SEPTIN8: variants seen among roughly 807,000 people sequenced by gnomAD.
SEPTIN8 encodes the protein septin 8.
In SEPTIN8, 22 loss-of-function variants were observed where a neutral mutation model predicts 53.1. That is an observed-to-expected ratio of 0.41 (90% confidence interval 0.30 to 0.59). The LOEUF (loss-of-function observed/expected upper bound fraction) is 0.59. Ranked by LOEUF, SEPTIN8 falls within the 20% of genes least tolerant of loss-of-function variation. The pLI is 0.24. For synonymous variants in SEPTIN8, 228 were observed against 248.4 expected (o/e 0.92, Z 0.77); for missense variants, 536 against 638.7 (o/e 0.84, Z 1.73).
At chr5:132,780,067 C>A (rs1758020044), upstream of SEPTIN8, among the ~76,000 whole-genome samples, 1 of 152,184 alleles carries the variant, frequency 6.6e-6, no homozygotes, top group African/African-American at 2.4e-5. Flanking sequence ...TTCCAGGCAG[C>A]AAGAGGCAAT....
chr5:132,752,119 G>T lies in SEPTIN8; in HGVS notation c.1349C>A (p.Thr450Asn). 6.3e-7 allele frequency: 1 copy of T among 1,598,768 alleles called. No homozygotes were observed. Among genetic ancestry groups the T allele is most frequent in the Non-Finnish European group, 8.5e-7 (1 of 1,172,180 alleles). The change falls in exon 10 of 10, where the codon ACC (threonine) becomes AAC (asparagine). Residue 450 changes from threonine to asparagine, a missense_variant. Coordinates refer to ENST00000378719, the MANE Select transcript of SEPTIN8 (RefSeq NM_001098811.2). ...GTTCAAGGGCTCCACACTGGCCTTG[G>T]TCATCATCACCTTAGAGCTGGAGAG... is the stretch of plus-strand genomic sequence containing the variant. Reference protein sequence around the residue: ...MSLSSSKVMMTKASVEPLNCS... With the variant: ...MSLSSSKVMMNKASVEPLNCS...
intron 9 of SEPTIN8, chr5:132,759,118 C>CA: frequency 1.9e-6 from 1 of 533,464 alleles, no homozygotes; most frequent in Non-Finnish European, 3.7e-6. Context: ...GCCCCCATTC[C>CA]AAAAATGCAC....
chr5:132,751,872 C>T lies in SEPTIN8; in HGVS notation c.*144G>A, dbSNP rs1754870980. Reference sequence around the variant, plus strand: ...AAAGGGTTGGGCAACATTTGATGTTCCCTGATGGAAATTTAAATTGTTTGC... The same window carrying T: ...AAAGGGTTGGGCAACATTTGATGTTTCCTGATGGAAATTTAAATTGTTTGC... On this transcript the variant is annotated 3_prime_UTR_variant, in exon 10 of 10. Coordinates refer to ENST00000378719, the MANE Select transcript of SEPTIN8 (RefSeq NM_001098811.2). The T allele has an allele frequency of 7.1e-7, 1 of 1,403,780 alleles. No homozygotes were observed. Among genetic ancestry groups the T allele is most frequent in the Non-Finnish European group, 9.7e-7 (1 of 1,030,818 alleles). 87.0% of individuals were successfully genotyped at this position (1,403,780 alleles called of 1,614,324 possible). A position where few individuals can be genotyped will look rare whatever the true frequency, so the allele number is the denominator to read the frequency against.
intron 1 of SEPTIN8, among the ~76,000 whole-genome samples, chr5:132,768,406 A>G (rs964974697): frequency 2.0e-5 from 3 of 152,208 alleles, no homozygotes; most frequent in African/African-American, 7.2e-5. Context: ...TCTGACCTCC[A>G]GGCTTTACCG....
At chr5:132,766,370 CA>C (rs1756595999) in intron 1 of SEPTIN8, among the ~76,000 whole-genome samples, 1 of 152,214 alleles carries the variant, frequency 6.6e-6, no homozygotes, top group Non-Finnish European at 1.5e-5. Context: ...GGCTGAGCGG[CA>C]GGCCCCGAGT....
chr5:132,766,128 T>C (rs1756564824), intron 1 of SEPTIN8, among the ~76,000 whole-genome samples: 1 of 152,214 alleles, frequency 6.6e-6, no homozygotes, highest in Non-Finnish European at 1.5e-5. Flanking sequence ...GACTCATGCA[T>C]GGACCCTGCT....
chr5:132,752,778 C>G lies in SEPTIN8; in HGVS notation c.1287-597G>C, dbSNP rs937554802. On this transcript the variant is annotated intron_variant, in intron 9 of 9. Transcript: ENST00000378719. The stretch of plus-strand genomic sequence containing the variant: ...GGGTGGTTGGACCTTCCTGAACTTG[C>G]TTCATGCTAACATTTTGGCACTCAA... 4.4e-6 allele frequency: 5 copies of G among 1,141,210 alleles called. No individual in the cohort carries two copies. In the African/African-American group the frequency reaches 4.5e-5, roughly 10 times the overall value. The allele number at this position is 1,141,210 out of a possible 1,614,324, so 70.7% of individuals were successfully genotyped here. A position where few individuals can be genotyped will look rare whatever the true frequency, so the allele number is the denominator to read the frequency against.
Position 132,752,010 on chromosome 5 carries a change from G to A in SEPTIN8, c.*6C>T. 1 of 1,612,238 alleles carries A rather than the reference G, an allele frequency of 6.2e-7. No individual in the cohort carries two copies. The highest frequency in any genetic ancestry group is 8.5e-7 in the Non-Finnish European group (1 of 1,179,398). On this transcript the variant is annotated 3_prime_UTR_variant, in exon 10 of 10. Coordinates refer to ENST00000378719, the MANE Select transcript of SEPTIN8 (RefSeq NM_001098811.2). Reference sequence around the variant, plus strand: ...TGAGCTGGCCCCATGTGTTGGAGCTGCTGCCTCAGAGGAATCCTTCCCTCC... The same window carrying A: ...TGAGCTGGCCCCATGTGTTGGAGCTACTGCCTCAGAGGAATCCTTCCCTCC...
chr5:132,766,967 C>T (rs982882765), intron 1 of SEPTIN8, among the ~76,000 whole-genome samples: 2 of 152,170 alleles, frequency 1.3e-5, no homozygotes, highest in Admixed American at 6.5e-5. Context: ...CTTGCATCAA[C>T]GACTCCCAAG....
intron 1 of SEPTIN8, among the ~76,000 whole-genome samples, chr5:132,770,264 C>A (rs1204631098): frequency 6.6e-6 from 1 of 150,410 alleles, no homozygotes; most frequent in Non-Finnish European, 1.5e-5. Context: ...CTGTAACCTC[C>A]GCCTCCTAGG....
chr5:132,751,766 TGGTCCC>T lies in SEPTIN8; in HGVS notation c.*244_*249del. Reference sequence around the variant, plus strand: ...CACAAAGCAGACTTTTTTTTTTTTTTGGTCCCGGAGTGGAAGCTCAGCTTGGCCACA... The same window carrying T: ...CACAAAGCAGACTTTTTTTTTTTTTTGGAGTGGAAGCTCAGCTTGGCCACA... On this transcript the variant is annotated 3_prime_UTR_variant, in exon 10 of 10. Coordinates refer to ENST00000378719, the MANE Select transcript of SEPTIN8 (RefSeq NM_001098811.2). The T allele has an allele frequency of 1.6e-6, 1 of 608,260 alleles. No homozygotes were observed. Among genetic ancestry groups the T allele is most frequent in the Non-Finnish European group, 2.8e-6 (1 of 354,864 alleles). 37.7% of individuals were successfully genotyped at this position (608,260 alleles called of 1,614,324 possible). A position where few individuals can be genotyped will look rare whatever the true frequency, so the allele number is the denominator to read the frequency against.
At chr5:132,770,135 GTA>G (rs1347571565) in intron 1 of SEPTIN8, among the ~76,000 whole-genome samples, 15 of 93,714 alleles carry the variant, frequency 1.6e-4, no homozygotes, top group African/African-American at 9.9e-4. Flanking sequence ...GTATATATGT[GTA>G]TGTGTGTGTA....
rs1428054802 is a variant in SEPTIN8 at position 132,776,174 on chromosome 5, T to C, written c.30+934A>G. Among the ~76,000 whole-genome samples the C allele has an allele frequency of 6.6e-6, 1 of 150,724 alleles. No individual in the cohort carries two copies. The highest frequency in any genetic ancestry group is 2.4e-5 in the African/African-American group (1 of 40,864). ...GGGCCTCCCTCCTCCTCCTCCTCCT[T>C]CTCCCCCTCCTCCCCCTTCCAGCCG... On this transcript the variant is annotated intron_variant, in intron 1 of 9. Coordinates refer to ENST00000378719, the MANE Select transcript of SEPTIN8 (RefSeq NM_001098811.2). The surrounding 1 kb of genome is among the most constrained non-coding windows in gnomAD (Gnocchi z 4.4).
intron 1 of SEPTIN8, chr5:132,775,723 C>T: frequency 6.6e-6 from 1 of 152,188 alleles, no homozygotes; most frequent in East Asian, 1.9e-4. Flanking sequence ...GCAGAGACAC[C>T]CAGGCACTCA....
chr5:132,764,815 G>A (rs1212589887), intron 2 of SEPTIN8, among the ~76,000 whole-genome samples: 2 of 152,110 alleles, frequency 1.3e-5, no homozygotes, highest in East Asian at 1.9e-4. Flanking sequence ...AGAGGGCCAG[G>A]GTCTAAAGCC....
In SEPTIN8 at chr5:132,761,066, A is replaced by G; in HGVS notation, c.1095+67T>C. ...GAGCCTGGGCCAGGAAGGCACCCCC[A>G]CCTCTACCCTCAGCCAGGCCTTCCC... On this transcript the variant is annotated intron_variant, in intron 8 of 9. Coordinates refer to ENST00000378719, the MANE Select transcript of SEPTIN8 (RefSeq NM_001098811.2). The surrounding 1 kb of genome is among the most constrained non-coding windows in gnomAD (Gnocchi z 5.8). 1 of 1,606,980 alleles carries G rather than the reference A, an allele frequency of 6.2e-7. No individual in the cohort carries two copies. Among genetic ancestry groups the G allele is most frequent in the Non-Finnish European group, 8.5e-7 (1 of 1,175,716 alleles).
Position 132,752,040 on chromosome 5 carries a change from C to G in SEPTIN8, c.1428G>C (p.Ala476=), listed in dbSNP as rs201961929. 2 of 1,611,346 alleles carry G rather than the reference C, an allele frequency of 1.2e-6. No homozygotes were observed. Among genetic ancestry groups the G allele is most frequent in the Non-Finnish European group, 1.7e-6 (2 of 1,178,918 alleles). Reference sequence around the variant, plus strand: ...CTCAGAGGAATCCTTCCCTCCACGTCGCATCCCTGACCAGGCAGCTGCAGC... The same window carrying G: ...CTCAGAGGAATCCTTCCCTCCACGTGGCATCCCTGACCAGGCAGCTGCAGC... ...IQCCSCLVRD[A]TWREGFL Residue 476 remains alanine, a synonymous_variant, in exon 10 of 10, where the codon GCG becomes GCC. Transcript: ENST00000378719.
Position 132,752,129 on chromosome 5 carries a change from C to T in SEPTIN8, c.1339G>A (p.Val447Met), listed in dbSNP as rs1446064985. The T allele has an allele frequency of 8.1e-6, 13 of 1,598,510 alleles. No homozygotes were observed. In the South Asian group the frequency reaches 1.5e-4, roughly 18 times the overall value. ...TCCACACTGGCCTTGGTCATCATCA[C>T]CTTAGAGCTGGAGAGGCTCATGCCC... ...QPGMSLSSSK[V>M]MMTKASVEPL... Residue 447 changes from valine (V) to methionine (M), a missense_variant, in exon 10 of 10, where the codon GTG becomes ATG. Physicochemically the swap from Val to Met is conservative, Grantham distance 21 (BLOSUM62 1). Around this residue, in one of 3 missense-constraint regions of SEPTIN8, gnomAD observed 133 missense variants for 157.4 expected, o/e 0.84. Transcript: ENST00000378719.
intron 1 of SEPTIN8, among the ~76,000 whole-genome samples, chr5:132,770,465 C>A (rs577557743): frequency 6.6e-6 from 1 of 152,172 alleles, no homozygotes; most frequent in East Asian, 1.9e-4. Flanking sequence ...CAGGTGTGAG[C>A]CACCATGCCT....
Sources: allele counts gnomAD v4.1 joint callset (sites outside exome capture counted in the v4.1 genomes callset), GRCh38; gene constraint gnomAD v4.1.1; regional missense constraint gnomAD v4.1.1; non-coding constraint Gnocchi (gnomAD v3.1); transcripts MANE v1.5; gene names NCBI Gene and HGNC (gene_info 2026-07-23, HGNC 2026-07-21).